SOX6: variants seen among roughly 807,000 people sequenced by gnomAD.
The protein encoded by SOX6 is SRY-box transcription factor 6.
SOX6 carries 11 observed loss-of-function variants against 97.8 expected under a neutral mutation model. That is an observed-to-expected ratio of 0.11 (90% CI 0.07 to 0.19). The LOEUF (loss-of-function observed/expected upper bound fraction) is 0.19. Among genes scored for constraint, SOX6 ranks in the 10% least tolerant of loss-of-function variants. The pLI, the probability that SOX6 is intolerant of heterozygous loss-of-function variation, is 1.00. For missense variants in SOX6, 810 were observed against 1,039.5 expected, an observed-to-expected ratio of 0.78 and a Z score of 3.04; for synonymous variants, 360 against 371.4, an observed-to-expected ratio of 0.97 and a Z score of 0.35.
intron 15 of SOX6, among the ~76,000 whole-genome samples, chr11:15,977,247 C>T (rs1564889513): frequency 6.6e-6 from 1 of 152,218 alleles, no homozygotes; most frequent in South Asian, 2.1e-4. Context: ...ACCCGACTAT[C>T]TCAGTGTGAC....
intron 4 of SOX6, among the ~76,000 whole-genome samples, chr11:16,191,775 A>G (rs1851636992): frequency 3.9e-5 from 6 of 152,056 alleles, no homozygotes; most frequent in Admixed American, 2.6e-4. Flanking sequence ...AACATCACAC[A>G]GTGTGCGCCT....
At chr11:16,241,965 C>A (rs1590057108) in intron 3 of SOX6, among the ~76,000 whole-genome samples, 1 of 151,894 alleles carries the variant, frequency 6.6e-6, no homozygotes, top group Non-Finnish European at 1.5e-5. Context: ...TAAGCCAATA[C>A]ATTCCTATTA....
chr11:16,244,098 T>G (rs1446411048), intron 3 of SOX6, among the ~76,000 whole-genome samples: 1 of 151,878 alleles, frequency 6.6e-6, no homozygotes, highest in East Asian at 1.9e-4. Context: ...TGCCAAAAGG[T>G]TTTCCAAAGT....
chr11:16,620,915 T>C (rs780131057), intron 3 of SOX6, among the ~76,000 whole-genome samples: 12 of 151,992 alleles, frequency 7.9e-5, no homozygotes, highest in Non-Finnish European at 1.0e-4. Context: ...CTTGTTCTTA[T>C]TTTATTTCCT....
At chr11:16,303,979 C>T (rs769656242) in intron 3 of SOX6, among the ~76,000 whole-genome samples, 4 of 151,982 alleles carry the variant, frequency 2.6e-5, no homozygotes, top group Non-Finnish European at 4.4e-5. Flanking sequence ...TAAAGTGGTG[C>T]GATCTCGGCT....
chr11:16,560,474 CAT>C (rs374823076), intron 4 of SOX6, among the ~76,000 whole-genome samples: 7 of 138,636 alleles, frequency 5.0e-5, no homozygotes, highest in African/African-American at 1.6e-4. Flanking sequence ...TTTATACGTA[CAT>C]ATATGTTTAT....
chr11:16,658,178 C>G (rs558602883), intron 3 of SOX6, among the ~76,000 whole-genome samples: 2 of 152,256 alleles, frequency 1.3e-5, no homozygotes, highest in African/African-American at 4.8e-5. Flanking sequence ...CAGAGTTGTT[C>G]ACTTTTGGCA....
rs192348256 is a variant in SOX6 at position 16,638,784 on chromosome 11, A to C, written n.430-26524T>G. On this transcript the variant is annotated intron_variant and non_coding_transcript_variant, in intron 3 of 5. Coordinates refer to the SOX6 transcript ENST00000524520. The stretch of plus-strand genomic sequence containing the variant: ...TGAGGTTGTTTGTTTTTTTCTTATA[A>C]ATTTGTTTAAGTTCTTTGTAGATTC... Among the ~76,000 whole-genome samples the C allele has an allele frequency of 5.3e-5, 8 of 152,078 alleles. No individual in the cohort carries two copies. The East Asian group carries it at 1.5e-3, about 29-fold the overall frequency.
chr11:16,073,340 A>G (rs553228472), intron 9 of SOX6, among the ~76,000 whole-genome samples: 1 of 152,360 alleles, frequency 6.6e-6, no homozygotes, highest in South Asian at 2.1e-4. Context: ...CAACAATTTA[A>G]AAAGACAAAG....
At chr11:16,019,617 G>C (rs1854995302) in intron 12 of SOX6, among the ~76,000 whole-genome samples, 1 of 151,996 alleles carries the variant, frequency 6.6e-6, no homozygotes, top group African/African-American at 2.4e-5. Flanking sequence ...TAATTTCTAT[G>C]CTCATATAAT....
At chr11:16,367,218 T>C (rs1466518027) in intron 1 of SOX6, among the ~76,000 whole-genome samples, 1 of 152,202 alleles carries the variant, frequency 6.6e-6, no homozygotes, top group African/African-American at 2.4e-5. Flanking sequence ...GAAGTGAAGT[T>C]CCTTGTTTTG....
At chr11:16,425,373 T>A (rs1183188824) in intron 1 of SOX6, among the ~76,000 whole-genome samples, 1 of 152,246 alleles carries the variant, frequency 6.6e-6, no homozygotes, top group Non-Finnish European at 1.5e-5. Flanking sequence ...CTGTTCTAGT[T>A]GCTGAGGATA....
intron 12 of SOX6, among the ~76,000 whole-genome samples, chr11:16,039,814 A>G (rs993405944): frequency 2.6e-5 from 4 of 152,036 alleles, no homozygotes; most frequent in African/African-American, 9.7e-5. Flanking sequence ...TTAATAAGAC[A>G]AATATTGGTT....
At chr11:16,474,134 C>T (rs1860193261) in intron 1 of SOX6, among the ~76,000 whole-genome samples, 1 of 152,308 alleles carries the variant, frequency 6.6e-6, no homozygotes, top group East Asian at 1.9e-4. Context: ...CATCTTTAGG[C>T]TCCACTTCTA....
At chr11:16,242,608 A>G (rs943432181) in intron 3 of SOX6, among the ~76,000 whole-genome samples, 2 of 151,758 alleles carry the variant, frequency 1.3e-5, no homozygotes, top group African/African-American at 4.8e-5. Context: ...AAAACACACC[A>G]GAAATTAAGT....
chr11:16,500,283 A>G (rs1469944744), intron 4 of SOX6, among the ~76,000 whole-genome samples: 1 of 152,222 alleles, frequency 6.6e-6, no homozygotes, highest in African/African-American at 2.4e-5. Context: ...AAAACTCTCA[A>G]TAAATTAGGT....
intron 4 of SOX6, among the ~76,000 whole-genome samples, chr11:16,604,444 G>A (rs990317551): frequency 6.6e-6 from 1 of 152,188 alleles, no homozygotes; most frequent in African/African-American, 2.4e-5. Context: ...GGGAGTAGAG[G>A]GGCCCTCTCT....
At chr11:16,138,563 A>G (rs1382291367) in intron 6 of SOX6, among the ~76,000 whole-genome samples, 1 of 151,160 alleles carries the variant, frequency 6.6e-6, no homozygotes, top group Non-Finnish European at 1.5e-5. Flanking sequence ...TTTTATTATT[A>G]TTATACTTTA....
intron 3 of SOX6, among the ~76,000 whole-genome samples, chr11:16,271,394 G>C (rs916817730): frequency 2.0e-5 from 3 of 151,402 alleles, no homozygotes; most frequent in Admixed American, 2.0e-4. Flanking sequence ...TATTTAGAAA[G>C]TTTCCTCTAT....
Sources: allele counts gnomAD v4.1 joint callset (sites outside exome capture counted in the v4.1 genomes callset), GRCh38; gene constraint gnomAD v4.1.1; transcripts MANE v1.5; gene names NCBI Gene and HGNC (gene_info 2026-07-23, HGNC 2026-07-21).